Variants in UGT1A7 observed in about 807,000 individuals in gnomAD.
The protein encoded by UGT1A7 is UDP glucuronosyltransferase family 1 member A7.
In UGT1A7, 33 loss-of-function variants were observed where a neutral mutation model predicts 45.6. The ratio of observed to expected loss-of-function variants is 0.72; its 90% CI spans 0.55 to 0.97. The LOEUF is 0.97. Among genes scored for constraint, UGT1A7 ranks in the 50% least tolerant of loss-of-function variants. The pLI is 0.00. For synonymous variants in UGT1A7, 274 were observed against 250.6 expected (o/e 1.09, Z -0.88); for missense variants, 684 against 666.2 (o/e 1.03, Z -0.29).
In UGT1A7 at chr2:233,769,469, G is replaced by A. The variant is rs1360382156; in HGVS notation, c.1295+1030G>A. 6.2e-7 allele frequency: 1 copy of A among 1,610,132 alleles called. No homozygotes were observed. Among genetic ancestry groups the A allele is most frequent in the Non-Finnish European group, 8.5e-7 (1 of 1,177,710 alleles). On this transcript the variant is annotated intron_variant, in intron 4 of 4. Coordinates refer to ENST00000373426, the MANE Select transcript of UGT1A7 (RefSeq NM_019077.3). The surrounding 1 kb of genome is among the most constrained non-coding windows in gnomAD (Gnocchi z 4.4). Reference sequence around the variant, plus strand: ...CACACGTGTGCATTCATATGCGTGTGTGTGTGTGTGCGTGTGTTTATGAGA... The same window carrying A: ...CACACGTGTGCATTCATATGCGTGTATGTGTGTGTGCGTGTGTTTATGAGA...
At chr2:233,718,728 G>C in intron 1 of UGT1A7, 1 of 1,610,998 alleles carries the variant, frequency 6.2e-7, no homozygotes, top group Non-Finnish European at 8.5e-7. Flanking sequence ...TGATTTGCTA[G>C]GTGGCTCAAT....
intron 1 of UGT1A7, among the ~76,000 whole-genome samples, chr2:233,715,986 A>G (rs966648830): frequency 1.3e-5 from 2 of 152,140 alleles, no homozygotes; most frequent in African/African-American, 2.4e-5. Context: ...GATTTAAAAC[A>G]CAACAAAACC....
In UGT1A7 at chr2:233,772,858, A is replaced by C; in HGVS notation, c.*299A>C. ...TAGATTACTTTTCTTACTCTGAAAC[A>C]TGGCCTGTTTGGGAGTGCGGGATTC... On this transcript the variant is annotated 3_prime_UTR_variant, in exon 5 of 5. Transcript: ENST00000373426. The C allele has an allele frequency of 1.4e-6, 1 of 719,796 alleles. No individual in the cohort carries two copies. The allele number at this position is 719,796 out of a possible 1,614,324, so 44.6% of individuals were successfully genotyped here.
chr2:233,755,153 C>T, intron 1 of UGT1A7: 10 of 1,299,120 alleles, frequency 7.7e-6, no homozygotes, highest in Non-Finnish European at 1.0e-5. Flanking sequence ...CCGCTTCCTC[C>T]CTGTCCTCGG....
intron 1 of UGT1A7, chr2:233,742,967 A>G (rs764495397): frequency 2.3e-5 from 5 of 219,774 alleles, no homozygotes; most frequent in African/African-American, 4.7e-5. Context: ...TGTCTGCCTC[A>G]GGCTTAAGTT....
At chr2:233,759,469 A>G (rs1187872464) in intron 1 of UGT1A7, among the ~76,000 whole-genome samples, 5 of 152,280 alleles carry the variant, frequency 3.3e-5, no homozygotes, top group Admixed American at 2.6e-4. Flanking sequence ...CTCAAGATCT[A>G]TCTTACAGGA....
At position 233,769,327 on chromosome 2, in the gene UGT1A7, G is replaced by C. The variant is rs1477763656; in HGVS notation, c.1295+888G>C. The stretch of plus-strand genomic sequence containing the variant: ...TTACTGTCAAGCTCACTGGTAATAG[G>C]CTTATTAGAACCTTATGGGAAGAAG... On this transcript the variant is annotated intron_variant, in intron 4 of 4. Transcript: ENST00000373426. The surrounding 1 kb of genome is among the most constrained non-coding windows in gnomAD (Gnocchi z 4.4). 6.6e-6 allele frequency among the ~76,000 whole-genome samples: 1 copy of C among 152,234 alleles called. No homozygotes were observed. The highest frequency in any genetic ancestry group is 1.5e-5 in the Non-Finnish European group (1 of 68,042).
At chr2:233,734,548 T>C (rs1157329537) in intron 1 of UGT1A7, among the ~76,000 whole-genome samples, 1 of 152,212 alleles carries the variant, frequency 6.6e-6, no homozygotes, top group Non-Finnish European at 1.5e-5. Context: ...TTTCTTCCCT[T>C]CTGCTAGCTT....
intron 1 of UGT1A7, among the ~76,000 whole-genome samples, chr2:233,695,531 T>C (rs988065073): frequency 7.9e-5 from 12 of 152,050 alleles, no homozygotes; most frequent in Admixed American, 7.9e-4. Flanking sequence ...TTCTTTTTTC[T>C]TTTTCTTTTT....
At chr2:233,763,986 C>T (rs923828078) in intron 1 of UGT1A7, among the ~76,000 whole-genome samples, 3 of 152,116 alleles carry the variant, frequency 2.0e-5, no homozygotes, top group Non-Finnish European at 4.4e-5. Context: ...ACTGGGAATG[C>T]GTGATGGTGA....
intron 1 of UGT1A7, among the ~76,000 whole-genome samples, chr2:233,728,276 G>C (rs1254522252): frequency 6.6e-6 from 1 of 152,142 alleles, no homozygotes; most frequent in Non-Finnish European, 1.5e-5. Flanking sequence ...TGGAGCCTTC[G>C]GCATTCAGAA....
At chr2:233,699,290 G>A (rs2075496429) in intron 1 of UGT1A7, among the ~76,000 whole-genome samples, 1 of 152,104 alleles carries the variant, frequency 6.6e-6, no homozygotes, top group Admixed American at 6.5e-5. Context: ...CAGATGCTGG[G>A]ACACTCTTAT....
At chr2:233,743,832 T>G (rs569722093) in intron 1 of UGT1A7, 26 of 1,367,252 alleles carry the variant, frequency 1.9e-5, no homozygotes, top group South Asian at 9.1e-5. Context: ...GGGTGCCACT[T>G]GAGCGCCAGC....
At chr2:233,730,901 C>A (rs2078088163) in intron 1 of UGT1A7, among the ~76,000 whole-genome samples, 1 of 152,116 alleles carries the variant, frequency 6.6e-6, no homozygotes, top group Non-Finnish European at 1.5e-5. Flanking sequence ...TACTCCTTTA[C>A]CAAAAATTTC....
chr2:233,744,674 A>C (rs1324161550), intron 1 of UGT1A7, among the ~76,000 whole-genome samples: 16 of 151,928 alleles, frequency 1.1e-4, no homozygotes, highest in South Asian at 4.1e-4. Flanking sequence ...ATTACACATC[A>C]CCCATGTAGC....
At chr2:233,709,291 T>C (rs1460116182) in intron 1 of UGT1A7, among the ~76,000 whole-genome samples, 1 of 152,202 alleles carries the variant, frequency 6.6e-6, no homozygotes, top group Non-Finnish European at 1.5e-5. Context: ...CTTCAATTAA[T>C]GATATTTTCT....
At chr2:233,699,906 G>A (rs1227572101) in intron 1 of UGT1A7, among the ~76,000 whole-genome samples, 2 of 152,172 alleles carry the variant, frequency 1.3e-5, no homozygotes, top group African/African-American at 4.8e-5. Context: ...ATAGTCAGTA[G>A]GATATACGTA....
intron 1 of UGT1A7, chr2:233,743,546 C>G: frequency 7.3e-7 from 1 of 1,367,310 alleles, no homozygotes; most frequent in Non-Finnish European, 9.8e-7. Flanking sequence ...CTCTGACCCC[C>G]CCAAAATATT....
intron 1 of UGT1A7, chr2:233,744,011 C>T (rs1159851013): frequency 1.6e-5 from 18 of 1,116,766 alleles, no homozygotes; most frequent in East Asian, 5.5e-5. Context: ...AGACCTGGGC[C>T]GCCTGGAGAG....
Sources: allele counts gnomAD v4.1 joint callset (sites outside exome capture counted in the v4.1 genomes callset), GRCh38; gene constraint gnomAD v4.1.1; non-coding constraint Gnocchi (gnomAD v3.1); transcripts MANE v1.5; gene names NCBI Gene and HGNC (gene_info 2026-07-23, HGNC 2026-07-21).